MARK2: variants seen among roughly 807,000 people sequenced by gnomAD.
MARK2 encodes serine/threonine-protein kinase MARK2.
In MARK2, 16 loss-of-function variants were observed where a neutral mutation model predicts 89.8. The ratio of observed to expected loss-of-function variants is 0.18; its 90% CI spans 0.12 to 0.27. MARK2 has a LOEUF of 0.27. Among genes scored for constraint, MARK2 ranks in the 10% least tolerant of loss-of-function variants. MARK2 has a pLI of 1.00. For synonymous variants in MARK2, 382 were observed against 399.5 expected, an observed-to-expected ratio of 0.96 and a Z score of 0.52; for missense variants, 621 against 1,049.9, an observed-to-expected ratio of 0.59 and a Z score of 5.65.
Position 63,898,569 on chromosome 11 carries a change from G to A in MARK2, c.338-39G>A, listed in dbSNP as rs1231836007. 3.3e-6 allele frequency: 5 copies of A among 1,524,814 alleles called. No homozygotes were observed. The South Asian group carries it at 4.5e-5, about 14-fold the overall frequency. 94.5% of individuals were successfully genotyped at this position (1,524,814 alleles called of 1,614,324 possible). A position where few individuals can be genotyped will look rare whatever the true frequency, so the allele number is the denominator to read the frequency against. On this transcript the variant is annotated intron_variant, in intron 4 of 18. Coordinates refer to ENST00000402010, the MANE Select transcript of MARK2 (RefSeq NM_001039469.3). Reference sequence around the variant, plus strand: ...TGTTGGAGAGCAGTATGTGGCCCCTGTTGCTTCTTGACTTAAGGCTTGGCC... The same window carrying A: ...TGTTGGAGAGCAGTATGTGGCCCCTATTGCTTCTTGACTTAAGGCTTGGCC...
rs947038792 is a variant in MARK2, at chr11:63,904,378, C to A, written c.1676+231C>A. Among the ~76,000 whole-genome samples the A allele has an allele frequency of 6.6e-6, 1 of 152,194 alleles. No individual in the cohort carries two copies. The highest frequency in any genetic ancestry group is 1.5e-5 in the Non-Finnish European group (1 of 68,024). On this transcript the variant is annotated intron_variant, in intron 15 of 18. Coordinates refer to ENST00000402010, the MANE Select transcript of MARK2 (RefSeq NM_001039469.3). This position sits in a 1 kb window ranked among gnomAD's most constrained non-coding sequence, Gnocchi z 6.3. ...AGGTATGCAGGAAGCTGTCCTAAGG[C>A]TCCAAAGGGAAACCTTTTTGTTCTG...
intron 1 of MARK2, among the ~76,000 whole-genome samples, chr11:63,846,459 G>A (rs538980022): frequency 1.3e-5 from 2 of 149,762 alleles, no homozygotes; most frequent in African/African-American, 4.9e-5. Context: ...GGATTCAAGT[G>A]ATTCTCCTGT....
At chr11:63,867,339 T>C (rs531558183) in intron 1 of MARK2, among the ~76,000 whole-genome samples, 1 of 152,364 alleles carries the variant, frequency 6.6e-6, no homozygotes, top group Admixed American at 6.5e-5. Flanking sequence ...AGGTATAGTT[T>C]TATGAGCTGA....
intron 1 of MARK2, among the ~76,000 whole-genome samples, chr11:63,863,243 A>G (rs1937914947): frequency 6.6e-6 from 1 of 152,102 alleles, no homozygotes; most frequent in Non-Finnish European, 1.5e-5. Context: ...GCACATGGCT[A>G]GCTATGGGGA....
At chr11:63,894,755 G>A (rs1193371478) in intron 1 of MARK2, among the ~76,000 whole-genome samples, 1 of 152,116 alleles carries the variant, frequency 6.6e-6, no homozygotes, top group East Asian at 1.9e-4. Flanking sequence ...CGATGAGGGC[G>A]TTGAAGCAGT....
intron 1 of MARK2, 30 bp from the exon 2 acceptor site, chr11:63,895,129 T>C (rs1241609225): frequency 1.9e-6 from 3 of 1,595,966 alleles, no homozygotes; most frequent in Non-Finnish European, 2.6e-6. Context: ...AAGTGTGGCA[T>C]GTAATGGTAT....
intron 1 of MARK2, among the ~76,000 whole-genome samples, chr11:63,849,750 C>T (rs1011747697): frequency 1.3e-5 from 2 of 152,172 alleles, no homozygotes; most frequent in South Asian, 4.1e-4. Flanking sequence ...AAGACTTTGT[C>T]TCAAACAAAC....
Position 63,854,136 on chromosome 11 carries a change from G to A in MARK2, c.54+14576G>A, listed in dbSNP as rs897917474. ...GATCCACCTGCCTCGGCCTCCCAAA[G>A]TGCTGGGATTACAGGCATGAGCCAC... On this transcript the variant is annotated intron_variant, in intron 1 of 18. Transcript: ENST00000402010. 4.0e-5 allele frequency among the ~76,000 whole-genome samples: 6 copies of A among 151,572 alleles called. No individual in the cohort carries two copies. The East Asian group carries it at 1.2e-3, about 30-fold the overall frequency.
intron 1 of MARK2, among the ~76,000 whole-genome samples, chr11:63,862,616 A>G (rs371548162): frequency 2.0e-5 from 3 of 152,184 alleles, no homozygotes; most frequent in Non-Finnish European, 2.9e-5. Flanking sequence ...CGCAAGAGCT[A>G]TGGGAGACCT....
rs114737415 is a variant in MARK2 at position 63,888,933 on chromosome 11, C to T, written c.55-6226C>T. ...GCTGTGGGCTCTGCTGAATGGAAGT[C>T]GCTGGTAGTCCTTTTCCCTTTCTCC... On this transcript the variant is annotated intron_variant, in intron 1 of 18. Transcript: ENST00000402010. 1,758 of 1,351,312 alleles carry T rather than the reference C, an allele frequency of 1.3e-3. 20 individuals are homozygous for T. The African/African-American group carries it at 0.023, about 18-fold the overall frequency. The allele number at this position is 1,351,312 out of a possible 1,614,324, so 83.7% of individuals were successfully genotyped here.
intron 1 of MARK2, chr11:63,888,724 A>G: frequency 8.4e-7 from 1 of 1,193,430 alleles, no homozygotes; most frequent in South Asian, 1.5e-5. Flanking sequence ...TTCGGTTGCG[A>G]CACCGTCCAG....
chr11:63,885,319 A>G (rs898822515), intron 1 of MARK2, among the ~76,000 whole-genome samples: 1 of 151,958 alleles, frequency 6.6e-6, no homozygotes, highest in Non-Finnish European at 1.5e-5. Flanking sequence ...TGGGCAGTTC[A>G]CTTGAATTGT....
chr11:63,843,615 A>G (rs948098179), intron 1 of MARK2, among the ~76,000 whole-genome samples: 1 of 151,890 alleles, frequency 6.6e-6, no homozygotes, highest in Non-Finnish European at 1.5e-5. Flanking sequence ...ATAAAAATAT[A>G]TATATATATA....
At chr11:63,898,343 C>T (rs2135334661) in intron 4 of MARK2, 63 bp downstream of exon 4, 1 of 1,480,446 alleles carries the variant, frequency 6.8e-7, no homozygotes, top group Non-Finnish European at 9.4e-7. Context: ...TCCAGCATGT[C>T]ATCTTCTCCC....
At chr11:63,866,351 CAAAAA>C (rs57664174) in intron 1 of MARK2, among the ~76,000 whole-genome samples, 3 of 86,100 alleles carry the variant, frequency 3.5e-5, no homozygotes, top group African/African-American at 6.8e-5. Context: ...GACTCAGTCT[CAAAAA>C]AAAAAAAAAA....
In MARK2 at chr11:63,908,819, T is replaced by A. The variant is rs952854359; in HGVS notation, c.2007-58T>A. On this transcript the variant is annotated intron_variant, in intron 18 of 18. Transcript: ENST00000402010. The stretch of plus-strand genomic sequence containing the variant: ...CTCAGGGGCTGTCTGCCAGGGTGGC[T>A]CTCCTGGGGTGGGGTGCCTCAGCCC... 7.1e-6 allele frequency: 10 copies of A among 1,406,772 alleles called. No individual in the cohort carries two copies. In the African/African-American group the frequency reaches 1.5e-4, roughly 21 times the overall value. The allele number at this position is 1,406,772 out of a possible 1,614,324, so 87.1% of individuals were successfully genotyped here.
chr11:63,840,614 G>T (rs573976768), intron 1 of MARK2, among the ~76,000 whole-genome samples: 1 of 152,176 alleles, frequency 6.6e-6, no homozygotes, highest in South Asian at 2.1e-4. Context: ...TTTCTTTCTT[G>T]CTTGTTGCCT....
chr11:63,878,477 C>A (rs1193435326), intron 1 of MARK2, among the ~76,000 whole-genome samples: 2 of 149,440 alleles, frequency 1.3e-5, no homozygotes, highest in African/African-American at 2.5e-5. Context: ...TCACGCCATT[C>A]TCCTGCCTCA....
At chr11:63,887,903 T>C (rs1473608110) in intron 1 of MARK2, among the ~76,000 whole-genome samples, 2 of 152,006 alleles carry the variant, frequency 1.3e-5, no homozygotes, top group African/African-American at 2.4e-5. Flanking sequence ...AACTTGGAGG[T>C]GAGTGAGAAC....
Sources: allele counts gnomAD v4.1 joint callset (sites outside exome capture counted in the v4.1 genomes callset), GRCh38; gene constraint gnomAD v4.1.1; non-coding constraint Gnocchi (gnomAD v3.1); transcripts MANE v1.5; gene names NCBI Gene and HGNC (gene_info 2026-07-23, HGNC 2026-07-21).